RBMS3: variants seen among roughly 807,000 people sequenced by gnomAD.
RBMS3 encodes RNA-binding motif, single-stranded-interacting protein 3.
RBMS3 carries 27 observed loss-of-function variants against 66.8 expected under a neutral mutation model. The ratio of observed to expected loss-of-function variants is 0.40; its 90% CI spans 0.30 to 0.56. RBMS3 has a LOEUF of 0.56. Ranked by LOEUF, RBMS3 falls within the 20% of genes least tolerant of loss-of-function variation. RBMS3 has a pLI of 0.40. For missense variants in RBMS3, 513 were observed against 549.5 expected (o/e 0.93, Z 0.66); for synonymous variants, 188 against 183.0 (o/e 1.03, Z -0.22).
chr3:29,540,978 G>T (rs952378315), intron 3 of RBMS3, among the ~76,000 whole-genome samples: 2 of 152,050 alleles, frequency 1.3e-5, no homozygotes, highest in African/African-American at 2.4e-5. Context: ...GCAAATACCC[G>T]CAGCTAATCT....
At chr3:29,837,012 C>T (rs769974519) in intron 6 of RBMS3, among the ~76,000 whole-genome samples, 3 of 151,980 alleles carry the variant, frequency 2.0e-5, no homozygotes, top group Non-Finnish European at 4.4e-5. Flanking sequence ...GATGCAGAAG[C>T]AAGATAGATG....
intron 3 of RBMS3, among the ~76,000 whole-genome samples, chr3:29,576,698 A>G (rs1324112650): frequency 1.3e-5 from 2 of 152,168 alleles, no homozygotes; most frequent in Non-Finnish European, 2.9e-5. Flanking sequence ...AGTCCACAAT[A>G]TAAAGTTCTT....
chr3:29,590,949 A>C (rs549529169), intron 4 of RBMS3, among the ~76,000 whole-genome samples: 1 of 152,168 alleles, frequency 6.6e-6, no homozygotes, highest in Non-Finnish European at 1.5e-5. Context: ...AAAAAGAGAA[A>C]AAAGCAAATA....
chr3:29,929,190 G>T (rs149469611), intron 10 of RBMS3, among the ~76,000 whole-genome samples: 1 of 152,208 alleles, frequency 6.6e-6, no homozygotes, highest in Non-Finnish European at 1.5e-5. Flanking sequence ...CCCTTTGACC[G>T]TAGAGTCCTC....
chr3:29,875,028 G>T (rs2059579058), intron 7 of RBMS3, among the ~76,000 whole-genome samples: 2 of 152,126 alleles, frequency 1.3e-5, no homozygotes. Flanking sequence ...AGGGCTTAAG[G>T]CTGGGAAGAT....
intron 2 of RBMS3, among the ~76,000 whole-genome samples, chr3:29,443,596 C>A (rs138089399): frequency 9.3e-4 from 141 of 152,024 alleles, no homozygotes; most frequent in African/African-American, 3.3e-3. Flanking sequence ...TTGGCCAAAG[C>A]TTGAAGAAAG....
intron 6 of RBMS3, chr3:29,767,267 G>GT (rs1383385257): frequency 2.0e-5 from 3 of 151,912 alleles, no homozygotes; most frequent in Non-Finnish European, 4.4e-5. Flanking sequence ...AGGCCGGTTT[G>GT]TAAAAAAATA....
chr3:29,867,802 A>C (rs1173197613), intron 6 of RBMS3, among the ~76,000 whole-genome samples: 3 of 151,752 alleles, frequency 2.0e-5, no homozygotes, highest in Non-Finnish European at 4.4e-5. Flanking sequence ...TAGTATCATT[A>C]ATCTTTAGTA....
chr3:29,409,924 G>T (rs1299225557), intron 1 of RBMS3, among the ~76,000 whole-genome samples: 1 of 151,878 alleles, frequency 6.6e-6, no homozygotes, highest in African/African-American at 2.4e-5. Context: ...GTCTGTTATT[G>T]GATTGCAGAA....
At position 29,407,370 on chromosome 3, in the gene RBMS3, G is replaced by T. The variant is rs752807271; in HGVS notation, c.76-27373G>T. ...ACTGAGGTGTATGTACACGACCTTG[G>T]CAGTCAGTTTCAGAGTCCCCATTTC... On this transcript the variant is annotated intron_variant, in intron 1 of 14. Coordinates refer to ENST00000383767, the MANE Select transcript of RBMS3 (RefSeq NM_001003793.3). Among the ~76,000 whole-genome samples, 30 of 152,136 alleles carry T rather than the reference G, an allele frequency of 2.0e-4. 1 individual carries two copies. The highest frequency in any genetic ancestry group is 4.3e-4 in the Non-Finnish European group (29 of 68,024).
At chr3:29,354,736 A>G (rs1289439199) in intron 1 of RBMS3, among the ~76,000 whole-genome samples, 5 of 152,094 alleles carry the variant, frequency 3.3e-5, no homozygotes, top group African/African-American at 1.2e-4. Flanking sequence ...AGGACACCTA[A>G]TAGAGTGGAT....
At chr3:29,819,786 G>T (rs1411508397) in intron 6 of RBMS3, among the ~76,000 whole-genome samples, 1 of 152,096 alleles carries the variant, frequency 6.6e-6, no homozygotes, top group Admixed American at 6.6e-5. Flanking sequence ...AGGCTCAAAA[G>T]ACATTTTCTA....
chr3:29,921,208 G>A lies in RBMS3; in HGVS notation c.940-14878G>A, dbSNP rs377656624. On this transcript the variant is annotated intron_variant, in intron 10 of 14. Transcript: ENST00000383767. Reference sequence around the variant, plus strand: ...CTCCCAAGTAGCTGGGATTACAGGCGCCCGCCACCACGCCTGGCTAATTTT... The same window carrying A: ...CTCCCAAGTAGCTGGGATTACAGGCACCCGCCACCACGCCTGGCTAATTTT... Among the ~76,000 whole-genome samples, 78 of 151,548 alleles carry A rather than the reference G, an allele frequency of 5.1e-4. 2 individuals carry two copies. In the East Asian group the frequency reaches 0.011, roughly 21 times the overall value.
chr3:29,853,591 G>A (rs889024683), intron 6 of RBMS3, among the ~76,000 whole-genome samples: 4 of 151,858 alleles, frequency 2.6e-5, no homozygotes, highest in Non-Finnish European at 5.9e-5. Context: ...CAGATGATTG[G>A]CTACTTCTTT....
chr3:29,833,925 C>A (rs551722913), intron 6 of RBMS3, among the ~76,000 whole-genome samples: 4 of 151,666 alleles, frequency 2.6e-5, no homozygotes, highest in African/African-American at 9.7e-5. Context: ...ATTTTGAAAG[C>A]GCCAAGAAAA....
chr3:29,397,065 G>A (rs1201903342), intron 1 of RBMS3, among the ~76,000 whole-genome samples: 1 of 152,112 alleles, frequency 6.6e-6, no homozygotes, highest in African/African-American at 2.4e-5. Flanking sequence ...ATTTTCAAAT[G>A]TCTGTGCCTC....
At chr3:29,682,836 T>C (rs1005616789) in intron 4 of RBMS3, among the ~76,000 whole-genome samples, 8 of 152,170 alleles carry the variant, frequency 5.3e-5, no homozygotes, top group Admixed American at 3.3e-4. Flanking sequence ...GAGAAGGAGA[T>C]AGATTGGCAG....
At chr3:29,817,200 T>C (rs2149468744) in intron 6 of RBMS3, among the ~76,000 whole-genome samples, 1 of 148,622 alleles carries the variant, frequency 6.7e-6, no homozygotes, top group East Asian at 1.9e-4. Flanking sequence ...TTCTTTTTTT[T>C]TTTTTGAGGC....
chr3:29,429,313 G>A lies in RBMS3; in HGVS notation c.76-5430G>A, dbSNP rs988602488. Among the ~76,000 whole-genome samples, 3 of 152,166 alleles carry A rather than the reference G, an allele frequency of 2.0e-5. No homozygotes were observed. The South Asian group carries it at 6.2e-4, about 31-fold the overall frequency. On this transcript the variant is annotated intron_variant, in intron 1 of 14. Transcript: ENST00000383767. ...TATTAGGATTACTATTTTAGGAATA[G>A]CATGTTTCACAATGGATGCCAATTC...
Sources: allele counts gnomAD v4.1 joint callset (sites outside exome capture counted in the v4.1 genomes callset), GRCh38; gene constraint gnomAD v4.1.1; transcripts MANE v1.5; gene names NCBI Gene and HGNC (gene_info 2026-07-23, HGNC 2026-07-21).